The following NUBPL variants were observed in gnomAD, a reference collection of about 807,000 sequenced individuals.
NUBPL encodes NUBP iron-sulfur cluster assembly factor, mitochondrial.
Under a neutral mutation model 45.7 loss-of-function variants are expected in NUBPL, and 31 were observed. The observed-to-expected ratio is 0.68, with a 90% CI of 0.51 to 0.92. The LOEUF is 0.92. Ranked by LOEUF, NUBPL falls within the 40% of genes least tolerant of loss-of-function variation. NUBPL has a pLI of 0.00. For missense variants in NUBPL, 401 were observed against 398.7 expected, an observed-to-expected ratio of 1.01 and a Z score of -0.05; for synonymous variants, 144 against 140.9, an observed-to-expected ratio of 1.02 and a Z score of -0.15.
intron 6 of NUBPL, among the ~76,000 whole-genome samples, chr14:31,751,206 G>T (rs899299478): frequency 1.3e-5 from 2 of 152,190 alleles, no homozygotes; most frequent in African/African-American, 4.8e-5. Flanking sequence ...CAAATCTCAT[G>T]TCCTTTTCAC....
chr14:31,742,124 A>G (rs550550539), intron 6 of NUBPL, among the ~76,000 whole-genome samples: 3 of 152,242 alleles, frequency 2.0e-5, no homozygotes, highest in East Asian at 3.9e-4. Context: ...GACAATAGAT[A>G]TGACCCTAAT....
intron 7 of NUBPL, among the ~76,000 whole-genome samples, chr14:31,816,593 G>A (rs959820540): frequency 6.6e-6 from 1 of 151,736 alleles, no homozygotes; most frequent in African/African-American, 2.4e-5. Context: ...GTTTCCTCTT[G>A]CTTCTCTAAT....
intron 8 of NUBPL, among the ~76,000 whole-genome samples, chr14:31,835,938 C>A (rs1225882205): frequency 6.6e-6 from 1 of 152,112 alleles, no homozygotes; most frequent in East Asian, 1.9e-4. Flanking sequence ...GCTTTTAATG[C>A]TTGTAACAGG....
chr14:31,647,172 A>C (rs910996704), intron 4 of NUBPL, among the ~76,000 whole-genome samples: 1 of 152,154 alleles, frequency 6.6e-6, no homozygotes, highest in African/African-American at 2.4e-5. Context: ...TCTCGGTCAA[A>C]AACTCACATT....
intron 4 of NUBPL, chr14:31,662,278 TATTTA>T (rs2036288704): frequency 6.7e-6 from 1 of 149,980 alleles, no homozygotes. Context: ...TTAATATTTA[TATTTA>T]TTTTATTTTA....
chr14:31,765,313 A>T (rs1232404107), intron 6 of NUBPL, among the ~76,000 whole-genome samples: 1 of 152,258 alleles, frequency 6.6e-6, no homozygotes, highest in South Asian at 2.1e-4. Flanking sequence ...CATGGAAAAG[A>T]TATTTTTAAA....
intron 6 of NUBPL, among the ~76,000 whole-genome samples, chr14:31,780,084 A>G (rs1197184471): frequency 5.3e-5 from 8 of 150,484 alleles, no homozygotes; most frequent in South Asian, 4.2e-4. Flanking sequence ...TTTCCCTGAG[A>G]CGGGGTCTTG....
intron 4 of NUBPL, among the ~76,000 whole-genome samples, chr14:31,627,619 A>G (rs1001093134): frequency 1.3e-5 from 2 of 151,996 alleles, no homozygotes; most frequent in African/African-American, 2.4e-5. Context: ...AGAAAAAATT[A>G]GCCAGACGTG....
At chr14:31,609,827 C>T (rs758385494) in intron 4 of NUBPL, among the ~76,000 whole-genome samples, 1 of 150,932 alleles carries the variant, frequency 6.6e-6, no homozygotes, top group Non-Finnish European at 1.5e-5. Context: ...ACCTGTGGGC[C>T]AATGAAGAAA....
intron 7 of NUBPL, among the ~76,000 whole-genome samples, chr14:31,790,999 T>G (rs1221455816): frequency 6.6e-6 from 1 of 152,138 alleles, no homozygotes; most frequent in East Asian, 1.9e-4. Context: ...CCAGATGTAG[T>G]GGCTCATGCC....
At chr14:31,830,848 C>T (rs1250485125) in intron 8 of NUBPL, among the ~76,000 whole-genome samples, 1 of 152,106 alleles carries the variant, frequency 6.6e-6, no homozygotes, top group Non-Finnish European at 1.5e-5. Context: ...TTCTCTGTGC[C>T]ACAGCCAAAC....
chr14:31,781,962 T>G (rs2039198585), intron 6 of NUBPL, among the ~76,000 whole-genome samples: 2 of 152,204 alleles, frequency 1.3e-5, no homozygotes, highest in Admixed American at 6.5e-5. Context: ...CCCCTTACTA[T>G]TAGTTCCTTT....
chr14:31,685,501 T>C (rs2036931850), intron 6 of NUBPL, among the ~76,000 whole-genome samples: 1 of 152,074 alleles, frequency 6.6e-6, no homozygotes, highest in African/African-American at 2.4e-5. Context: ...GTATATTAAA[T>C]TAAAGCCTTT....
chr14:31,783,506 A>G (rs1363150385), intron 6 of NUBPL, among the ~76,000 whole-genome samples: 1 of 148,796 alleles, frequency 6.7e-6, no homozygotes, highest in Non-Finnish European at 1.5e-5. Context: ...TGGAACCTTA[A>G]TAGCAGTTCT....
intron 8 of NUBPL, chr14:31,844,854 G>A (rs1033548593): frequency 1.3e-5 from 2 of 152,140 alleles, no homozygotes; most frequent in South Asian, 4.1e-4. Flanking sequence ...TTTTATTCTA[G>A]AAGAGAGCTA....
At chr14:31,562,008 C>A in intron 1 of NUBPL, 60 bp from the exon 2 acceptor site, 1 of 1,520,400 alleles carries the variant, frequency 6.6e-7, no homozygotes, top group Non-Finnish European at 8.9e-7. Context: ...TTTGCTTTTA[C>A]AGTGTGATGA....
At chr14:31,820,899 T>C in intron 7 of NUBPL, among the ~76,000 whole-genome samples, 2 of 150,036 alleles carry the variant, frequency 1.3e-5, no homozygotes. Flanking sequence ...GGTGGGTGGA[T>C]CACCTGAGGT....
At position 31,846,517 on chromosome 14, in the gene NUBPL, G is replaced by C. The variant is rs1203198307; in HGVS notation, c.740G>C (p.Cys247Ser). ...ATGAGTGTTTTCCAGTGTCCAAAAT[G>C]TAAACACAAAACTCATATTTTTGGT... The part of the protein sequence containing the change: ...QNMSVFQCPK[C>S]KHKTHIFGAD... The change falls in exon 9 of 11, where the codon TGT becomes TCT. Residue 247 changes from cysteine to serine, a missense_variant. Coordinates refer to ENST00000281081, the MANE Select transcript of NUBPL (RefSeq NM_025152.3). The C allele has an allele frequency of 6.2e-7, 1 of 1,613,294 alleles. No individual in the cohort carries two copies. The highest frequency in any genetic ancestry group is 1.7e-5 in the Admixed American group (1 of 59,968).
chr14:31,717,099 GA>G (rs2139939719), intron 6 of NUBPL, among the ~76,000 whole-genome samples: 1 of 151,918 alleles, frequency 6.6e-6, no homozygotes, highest in South Asian at 2.1e-4. Context: ...TTGTTTTTTG[GA>G]CAAAAGTTCA....
Sources: allele counts gnomAD v4.1 joint callset (sites outside exome capture counted in the v4.1 genomes callset), GRCh38; gene constraint gnomAD v4.1.1; transcripts MANE v1.5; gene names NCBI Gene and HGNC (gene_info 2026-07-23, HGNC 2026-07-21).